Variants in ADAMTS14 observed in about 807,000 individuals in gnomAD.
The protein encoded by ADAMTS14 is ADAM metallopeptidase with thrombospondin type 1 motif 14, also known as A disintegrin and metalloproteinase with thrombospondin motifs 14.
Under a neutral mutation model 128.6 loss-of-function variants are expected in ADAMTS14, and 100 were observed. That is an observed-to-expected ratio of 0.78 (90% confidence interval 0.66 to 0.92). ADAMTS14 has a LOEUF of 0.92. Among genes scored for constraint, ADAMTS14 ranks in the 40% least tolerant of loss-of-function variants. ADAMTS14 has a pLI of 0.00. For synonymous variants in ADAMTS14, 665 were observed against 653.8 expected, an observed-to-expected ratio of 1.02 and a Z score of -0.26; for missense variants, 1,562 against 1,658.6, an observed-to-expected ratio of 0.94 and a Z score of 1.01.
chr10:70,748,201 A>G (rs2132727929), intron 15 of ADAMTS14, among the ~76,000 whole-genome samples: 1 of 152,284 alleles, frequency 6.6e-6, no homozygotes, highest in South Asian at 2.1e-4. Flanking sequence ...TAGATACAGA[A>G]CAGGTCAGTG....
chr10:70,741,197 C>T (rs1380550471), intron 12 of ADAMTS14, 35 bp downstream of exon 12: 2 of 1,602,822 alleles, frequency 1.2e-6, no homozygotes, highest in South Asian at 1.1e-5. Flanking sequence ...ACTCCATGTC[C>T]TTAGGCATCT....
chr10:70,690,691 G>T (rs556219202), intron 2 of ADAMTS14, among the ~76,000 whole-genome samples: 1 of 145,226 alleles, frequency 6.9e-6, no homozygotes, highest in East Asian at 1.9e-4. Context: ...TGACCTGTGG[G>T]GCCCTCTCTT....
chr10:70,757,656 A>G (rs1287711671), intron 19 of ADAMTS14, among the ~76,000 whole-genome samples: 1 of 152,232 alleles, frequency 6.6e-6, no homozygotes, highest in Non-Finnish European at 1.5e-5. Flanking sequence ...ATGGGGTCCC[A>G]GAGGTTCCCT....
intron 19 of ADAMTS14, 133 bp downstream of exon 19, chr10:70,754,140 T>C: frequency 1.2e-6 from 1 of 824,440 alleles, no homozygotes; most frequent in South Asian, 1.8e-5. Context: ...TTCCTTAAAG[T>C]AGAATAGCTC....
At chr10:70,676,224 C>T (rs1427396981) in intron 2 of ADAMTS14, among the ~76,000 whole-genome samples, 7 of 152,022 alleles carry the variant, frequency 4.6e-5, no homozygotes, top group African/African-American at 1.2e-4. Flanking sequence ...ACTGCAGCCT[C>T]GAACTCCTGG....
intron 15 of ADAMTS14, among the ~76,000 whole-genome samples, chr10:70,747,005 A>G (rs532151310): frequency 6.6e-6 from 1 of 152,248 alleles, no homozygotes; most frequent in East Asian, 1.9e-4. Context: ...CAATTTCATC[A>G]TAAATGGAAA....
Position 70,689,737 on chromosome 10 carries a change from C to T in ADAMTS14, c.523-12575C>T, listed in dbSNP as rs1301933061. Among the ~76,000 whole-genome samples the T allele has an allele frequency of 2.1e-5, 3 of 145,448 alleles. 1 individual carries two copies. Among genetic ancestry groups the T allele is most frequent in the Non-Finnish European group, 3.1e-5 (2 of 63,548 alleles). ...CAGCCTGGGCAGTCCTGTTACAATC[C>T]GAGTCCTCCATGGTTCGCGGCATTC... On this transcript the variant is annotated intron_variant, in intron 2 of 21. Coordinates refer to ENST00000373207, the MANE Select transcript of ADAMTS14 (RefSeq NM_080722.4).
intron 4 of ADAMTS14, among the ~76,000 whole-genome samples, chr10:70,715,932 A>C (rs997073281): frequency 1.3e-5 from 2 of 152,178 alleles, no homozygotes; most frequent in African/African-American, 4.8e-5. Flanking sequence ...TGTTCCCCTG[A>C]CGTCCCTAGG....
In ADAMTS14 at chr10:70,749,843, G is replaced by A. The variant is rs1421735056; in HGVS notation, c.2285G>A (p.Gly762Asp). Residue 762 changes from glycine (G) to aspartate (D), a missense_variant, in exon 16 of 22, where the codon GGC (glycine) becomes GAC (aspartate). Gly to Asp is a moderately conservative substitution (Grantham distance 94). Transcript: ENST00000373207. ...HRIVVKNQVT[G>D]SFILNPKGKE... ...TCAGTGGTGAAGAACCAGGTCACCG[G>A]CAGCTTCATCCTCAACCCCAAGGGC... 6 of 1,613,940 alleles carry A rather than the reference G, an allele frequency of 3.7e-6. No homozygotes were observed. The highest frequency in any genetic ancestry group is 5.1e-6 in the Non-Finnish European group (6 of 1,179,988).
At chr10:70,675,866 T>C (rs1341065221) in intron 2 of ADAMTS14, among the ~76,000 whole-genome samples, 1 of 152,204 alleles carries the variant, frequency 6.6e-6, no homozygotes, top group East Asian at 1.9e-4. Flanking sequence ...AGATGTGAGC[T>C]GATGGGTCTC....
intron 2 of ADAMTS14, among the ~76,000 whole-genome samples, chr10:70,695,806 G>T (rs1033634446): frequency 7.9e-5 from 12 of 152,212 alleles, no homozygotes; most frequent in African/African-American, 2.9e-4. Context: ...CAGGGCTGGG[G>T]ATATAAACTG....
chr10:70,743,780 C>A, intron 13 of ADAMTS14, 99 bp downstream of exon 13: 1 of 1,426,216 alleles, frequency 7.0e-7, no homozygotes, highest in Non-Finnish European at 9.3e-7. Flanking sequence ...GCCTCACCGG[C>A]CCACTCGCAA....
intron 14 of ADAMTS14, among the ~76,000 whole-genome samples, chr10:70,744,932 G>T (rs73278024): frequency 6.6e-6 from 1 of 152,106 alleles, no homozygotes; most frequent in Non-Finnish European, 1.5e-5. Flanking sequence ...AAAAAGGGAC[G>T]GGGGGAAGGG....
At chr10:70,704,862 A>T (rs919838798) in intron 3 of ADAMTS14, among the ~76,000 whole-genome samples, 3 of 151,926 alleles carry the variant, frequency 2.0e-5, no homozygotes, top group African/African-American at 7.3e-5. Context: ...ACAAGCACAC[A>T]CCCGTACACC....
intron 7 of ADAMTS14, among the ~76,000 whole-genome samples, chr10:70,733,208 C>T (rs1422613791): frequency 6.6e-6 from 1 of 152,188 alleles, no homozygotes; most frequent in Non-Finnish European, 1.5e-5. Flanking sequence ...AGCTTATAGG[C>T]CTGTGTATCT....
intron 2 of ADAMTS14, among the ~76,000 whole-genome samples, chr10:70,701,235 T>G (rs1484796600): frequency 6.6e-6 from 1 of 152,172 alleles, no homozygotes; most frequent in Admixed American, 6.5e-5. Flanking sequence ...ATGGGTGGAA[T>G]GGAGTTGTGT....
intron 4 of ADAMTS14, among the ~76,000 whole-genome samples, chr10:70,714,807 G>T (rs192828639): frequency 6.6e-6 from 1 of 151,906 alleles, no homozygotes; most frequent in Admixed American, 6.6e-5. Flanking sequence ...AATTAGCTGG[G>T]TGTGGTGGTG....
chr10:70,692,533 T>C (rs1840222067), intron 2 of ADAMTS14, among the ~76,000 whole-genome samples: 1 of 152,240 alleles, frequency 6.6e-6, no homozygotes, highest in Non-Finnish European at 1.5e-5. Flanking sequence ...TGCTTCCCTT[T>C]TTGTAAACTT....
intron 4 of ADAMTS14, among the ~76,000 whole-genome samples, chr10:70,717,165 C>T (rs1177055773): frequency 6.6e-6 from 1 of 152,134 alleles, no homozygotes; most frequent in Admixed American, 6.5e-5. Flanking sequence ...AGACTCCCAT[C>T]GTGGAAGTTT....
Sources: allele counts gnomAD v4.1 joint callset (sites outside exome capture counted in the v4.1 genomes callset), GRCh38; gene constraint gnomAD v4.1.1; transcripts MANE v1.5; gene names NCBI Gene and HGNC (gene_info 2026-07-23, HGNC 2026-07-21).